The following SLAMF1 variants were observed in gnomAD, a reference collection of about 807,000 sequenced individuals.
SLAMF1 encodes signaling lymphocytic activation molecule family member 1, also known as signaling lymphocytic activation molecule.
Under a neutral mutation model 35.1 loss-of-function variants are expected in SLAMF1, and 18 were observed. The observed-to-expected ratio is 0.51, with a 90% CI of 0.35 to 0.76. The LOEUF (loss-of-function observed/expected upper bound fraction) is 0.76. Among genes scored for constraint, SLAMF1 ranks in the 30% least tolerant of loss-of-function variants. The pLI is 0.01. For missense variants in SLAMF1, 392 were observed against 413.0 expected (o/e 0.95, Z 0.44); for synonymous variants, 168 against 157.2 (o/e 1.07, Z -0.51).
chr1:160,620,194 T>G (rs748155243), intron 4 of SLAMF1, among the ~76,000 whole-genome samples: 1 of 152,184 alleles, frequency 6.6e-6, no homozygotes, highest in Non-Finnish European at 1.5e-5. Flanking sequence ...TTCAATTACT[T>G]TAATCTCTGT....
intron 4 of SLAMF1, among the ~76,000 whole-genome samples, chr1:160,620,108 G>A (rs530977943): frequency 6.6e-6 from 1 of 152,330 alleles, no homozygotes; most frequent in South Asian, 2.1e-4. Context: ...GATACCACTT[G>A]TAAAGTGTTT....
In SLAMF1 at chr1:160,610,497, G is replaced by C. The variant is rs1658920961; in HGVS notation, c.*251C>G. ...TTTCATCTGCTACAACACAAAGATG[G>C]AACGCTGTTATCAAGTAACGCTCTG... On this transcript the variant is annotated 3_prime_UTR_variant, in exon 7 of 7. Coordinates refer to ENST00000302035, the MANE Select transcript of SLAMF1 (RefSeq NM_003037.5). 1.9e-6 allele frequency: 1 copy of C among 538,856 alleles called. No homozygotes were observed. Among genetic ancestry groups the C allele is most frequent in the Admixed American group, 2.7e-5 (1 of 37,476 alleles). The allele number at this position is 538,856 out of a possible 1,614,324, so 33.4% of individuals were successfully genotyped here. A position where few individuals can be genotyped will look rare whatever the true frequency, so the allele number is the denominator to read the frequency against.
In SLAMF1 at chr1:160,608,849, C is replaced by CT; in HGVS notation, c.*1898dup. On this transcript the variant is annotated 3_prime_UTR_variant, in exon 7 of 7. Coordinates refer to ENST00000302035, the MANE Select transcript of SLAMF1 (RefSeq NM_003037.5). ...GGTGGCGTAGTGGATAATTGTGAGG[C>CT]TTTTTTGTCTGCCTACCACCTGAAT... 1 of 152,192 alleles carries CT rather than the reference C, an allele frequency of 6.6e-6. No homozygotes were observed. Among genetic ancestry groups the CT allele is most frequent in the Middle Eastern group, 3.4e-3 (1 of 294 alleles). 9.4% of individuals were successfully genotyped at this position (152,192 alleles called of 1,614,324 possible). A position where few individuals can be genotyped will look rare whatever the true frequency, so the allele number is the denominator to read the frequency against.
chr1:160,632,167 A>G (rs2102328135), intron 3 of SLAMF1, among the ~76,000 whole-genome samples: 1 of 152,252 alleles, frequency 6.6e-6, no homozygotes, highest in East Asian at 1.9e-4. Flanking sequence ...CCTTTGTTAC[A>G]GCAGCCTTAG....
chr1:160,614,160 G>A (rs1659157004), intron 5 of SLAMF1, among the ~76,000 whole-genome samples: 1 of 152,172 alleles, frequency 6.6e-6, no homozygotes, highest in African/African-American at 2.4e-5. Flanking sequence ...GCAGTAATTG[G>A]GTGGTTCAGA....
intron 1 of SLAMF1, among the ~76,000 whole-genome samples, chr1:160,643,185 C>T (rs993196209): frequency 9.9e-5 from 15 of 152,098 alleles, no homozygotes; most frequent in African/African-American, 3.1e-4. Context: ...CCCCCCTCCC[C>T]GTCTTAAAGG....
At position 160,624,267 on chromosome 1, in the gene SLAMF1, G is replaced by C. The variant is rs1235236481; in HGVS notation, c.701-82C>G. On this transcript the variant is annotated intron_variant, in intron 3 of 6. Coordinates refer to ENST00000302035, the MANE Select transcript of SLAMF1 (RefSeq NM_003037.5). ...TCTTACATGAAAGTGGGATAATGGA[G>C]CCTCATGTTCTATTTCTGCATTCTC... 3.1e-6 allele frequency: 3 copies of C among 972,362 alleles called. No individual in the cohort carries two copies. In the African/African-American group the frequency reaches 4.9e-5, roughly 16 times the overall value. 60.2% of individuals were successfully genotyped at this position (972,362 alleles called of 1,614,324 possible).
At chr1:160,644,722 C>T (rs950900095) in intron 1 of SLAMF1, among the ~76,000 whole-genome samples, 19 of 152,096 alleles carry the variant, frequency 1.2e-4, no homozygotes, top group African/African-American at 4.6e-4. Flanking sequence ...GTGAGGGAGA[C>T]AGTGAAAGTG....
intron 1 of SLAMF1, among the ~76,000 whole-genome samples, chr1:160,641,088 G>A (rs1311400378): frequency 6.6e-6 from 1 of 152,064 alleles, no homozygotes. Context: ...ATAAAGAAAT[G>A]AGAAAAAATT....
At chr1:160,612,859 C>T (rs558113813) in intron 5 of SLAMF1, among the ~76,000 whole-genome samples, 3 of 152,170 alleles carry the variant, frequency 2.0e-5, no homozygotes, top group South Asian at 4.1e-4. Flanking sequence ...AAATGTCTTC[C>T]TCACAAGAAA....
intron 3 of SLAMF1, among the ~76,000 whole-genome samples, chr1:160,633,910 T>C (rs1383810988): frequency 6.6e-6 from 1 of 152,218 alleles, no homozygotes; most frequent in African/African-American, 2.4e-5. Flanking sequence ...AATGAAAGTA[T>C]AACACCTATC....
In SLAMF1 at chr1:160,609,357, T is replaced by C. The variant is rs551941113; in HGVS notation, c.*1391A>G. On this transcript the variant is annotated 3_prime_UTR_variant, in exon 7 of 7. Coordinates refer to ENST00000302035, the MANE Select transcript of SLAMF1 (RefSeq NM_003037.5). ...ACATAAAAAAGCCAAAGCCAGCTTC[T>C]GTTGATTGCAACTAAGAACTCTATT... is the stretch of plus-strand genomic sequence containing the variant. 1.4e-4 allele frequency: 22 copies of C among 152,372 alleles called. No individual in the cohort carries two copies. The highest frequency in any genetic ancestry group is 4.6e-4 in the African/African-American group (19 of 41,582). The allele number at this position is 152,372 out of a possible 1,614,324, so 9.4% of individuals were successfully genotyped here.
chr1:160,618,906 A>G (rs762971425), intron 5 of SLAMF1, among the ~76,000 whole-genome samples: 49 of 152,242 alleles, frequency 3.2e-4, no homozygotes, highest in Non-Finnish European at 5.7e-4. Flanking sequence ...TGGGGGAAGG[A>G]TGGAGCTGGG....
At chr1:160,643,431 A>G (rs1003439547) in intron 1 of SLAMF1, among the ~76,000 whole-genome samples, 1 of 152,218 alleles carries the variant, frequency 6.6e-6, no homozygotes, top group Non-Finnish European at 1.5e-5. Context: ...TGTTCAGGCT[A>G]TAACCATTTG....
chr1:160,640,258 T>A (rs904563822), intron 1 of SLAMF1, among the ~76,000 whole-genome samples: 2 of 148,420 alleles, frequency 1.3e-5, no homozygotes, highest in African/African-American at 4.9e-5. Flanking sequence ...TAAATATCTG[T>A]TCAATGAATG....
rs900393832 is a variant in SLAMF1 at position 160,610,382 on chromosome 1, A to G, written c.*366T>C. The stretch of plus-strand genomic sequence containing the variant: ...TGGTGGTCCAGTGTGTGAGATAGGT[A>G]CTCAGATGTCCTGGCTTTCAGTCTG... On this transcript the variant is annotated 3_prime_UTR_variant, in exon 7 of 7. Transcript: ENST00000302035. 3.0e-5 allele frequency: 14 copies of G among 463,162 alleles called. No homozygotes were observed. The highest frequency in any genetic ancestry group is 2.4e-4 in the African/African-American group (12 of 50,390). The allele number at this position is 463,162 out of a possible 1,614,324, so 28.7% of individuals were successfully genotyped here. A position where few individuals can be genotyped will look rare whatever the true frequency, so the allele number is the denominator to read the frequency against.
intron 1 of SLAMF1, among the ~76,000 whole-genome samples, chr1:160,643,633 T>G (rs74420304): frequency 0.029 from 4,417 of 152,272 alleles, 232 homozygotes; most frequent in African/African-American, 0.1. Context: ...GTTAAAAAAT[T>G]GATACATAAT....
intron 4 of SLAMF1, among the ~76,000 whole-genome samples, chr1:160,620,953 C>T (rs1412829064): frequency 6.6e-6 from 1 of 152,202 alleles, no homozygotes; most frequent in African/African-American, 2.4e-5. Flanking sequence ...TGGATATTTG[C>T]TATACTTATA....
chr1:160,645,451 G>A (rs1289687118), intron 1 of SLAMF1, among the ~76,000 whole-genome samples: 6 of 152,170 alleles, frequency 3.9e-5, no homozygotes, highest in African/African-American at 9.7e-5. Context: ...CCTGACCGGC[G>A]ACTTCCAAAG....
Sources: gnomAD v4.1 joint callset for allele counts (sites outside exome capture counted in the v4.1 genomes callset) on GRCh38, gnomAD v4.1.1 for gene constraint, MANE v1.5 for transcripts, NCBI Gene and HGNC (gene_info 2026-07-23, HGNC 2026-07-21) for gene names.